The following LEKR1 variants were observed in gnomAD, a reference collection of about 807,000 sequenced individuals.
LEKR1 encodes the protein leucine, glutamate and lysine rich 1, also known as protein LEKR1.
A neutral mutation model predicts 72.4 loss-of-function variants in LEKR1; 59 were observed. That is an observed-to-expected ratio of 0.82 (90% CI 0.66 to 1.01). The LOEUF is 1.01. LEKR1 is among the 50% of genes least tolerant of loss of function. The pLI is 0.00. For missense variants in LEKR1, 728 were observed against 759.2 expected (o/e 0.96, Z 0.48); for synonymous variants, 257 against 263.2 (o/e 0.98, Z 0.23).
At chr3:156,943,623 T>G (rs1418327824) in intron 6 of LEKR1, among the ~76,000 whole-genome samples, 1 of 151,670 alleles carries the variant, frequency 6.6e-6, no homozygotes, top group African/African-American at 2.4e-5. Context: ...CGTGGCCCAG[T>G]GGGAAGGGTG....
chr3:156,927,137 G>C (rs1224679251), intron 4 of LEKR1, among the ~76,000 whole-genome samples: 1 of 151,728 alleles, frequency 6.6e-6, no homozygotes, highest in East Asian at 1.9e-4. Context: ...GTTTACGGTT[G>C]AATAAAAAAA....
chr3:157,044,348 T>C (rs1161647177), intron 12 of LEKR1, among the ~76,000 whole-genome samples: 1 of 152,236 alleles, frequency 6.6e-6, no homozygotes, highest in African/African-American at 2.4e-5. Flanking sequence ...ATTCTTACCA[T>C]GGGACTTGAA....
chr3:156,976,958 G>A (rs79716791), intron 6 of LEKR1, among the ~76,000 whole-genome samples: 3,770 of 152,208 alleles, frequency 0.025, 145 homozygotes, highest in East Asian at 0.16. Flanking sequence ...TCAGACCCGG[G>A]AAGGCTTATT....
chr3:156,963,907 GTGAGCTAC>G (rs1356322686), intron 6 of LEKR1, among the ~76,000 whole-genome samples: 1 of 152,150 alleles, frequency 6.6e-6, no homozygotes, highest in African/African-American at 2.4e-5. Flanking sequence ...ATGCTTCAGA[GTGAGCTAC>G]TGTATCAGGC....
intron 3 of LEKR1, among the ~76,000 whole-genome samples, chr3:156,857,394 T>C (rs1390559459): frequency 2.0e-5 from 3 of 152,144 alleles, no homozygotes; most frequent in Non-Finnish European, 2.9e-5. Flanking sequence ...CCCTTAAATA[T>C]ATGTATTTCT....
intron 6 of LEKR1, among the ~76,000 whole-genome samples, chr3:156,969,415 C>T (rs1442504970): frequency 1.7e-4 from 26 of 151,942 alleles, no homozygotes; most frequent in East Asian, 9.6e-4. Context: ...ATCAAATAGA[C>T]GCAATAAAAA....
Position 157,018,624 on chromosome 3 carries a change from GA to G in LEKR1, c.1204-6127del, listed in dbSNP as rs377128185. On this transcript the variant is annotated intron_variant, in intron 10 of 12. Coordinates refer to ENST00000356539, the MANE Select transcript of LEKR1 (RefSeq NM_001004316.3). ...TAGGGGTTGGGGGGACAGCTTACAT[GA>G]AAAAAAAACTAAACACACTGAGCTA... Among the ~76,000 whole-genome samples, 350 of 151,044 alleles carry G rather than the reference GA, an allele frequency of 2.3e-3. 8 individuals carry two copies. In the East Asian group the frequency reaches 0.06, roughly 26 times the overall value.
intron 5 of LEKR1, among the ~76,000 whole-genome samples, chr3:156,941,346 C>G (rs575223845): frequency 9.9e-5 from 15 of 152,176 alleles, no homozygotes; most frequent in African/African-American, 3.4e-4. Flanking sequence ...CTTTTCTCTC[C>G]TTGTACTACA....
chr3:156,889,356 T>G (rs1045437139), intron 3 of LEKR1, among the ~76,000 whole-genome samples: 1 of 151,996 alleles, frequency 6.6e-6, no homozygotes, highest in African/African-American at 2.4e-5. Flanking sequence ...TCTAATGCCT[T>G]TCTTTTGCCC....
At chr3:156,884,033 T>C (rs539406716) in intron 3 of LEKR1, among the ~76,000 whole-genome samples, 2 of 152,366 alleles carry the variant, frequency 1.3e-5, no homozygotes, top group East Asian at 3.9e-4. Flanking sequence ...ATAATGTCTC[T>C]GTCTTTTTTA....
chr3:157,022,703 G>A (rs1248617680), intron 10 of LEKR1, among the ~76,000 whole-genome samples: 2 of 152,150 alleles, frequency 1.3e-5, no homozygotes, highest in African/African-American at 4.8e-5. Context: ...TGGCTACCAG[G>A]AGGCAAAGTG....
chr3:157,023,994 C>T (rs1734025098), intron 10 of LEKR1, among the ~76,000 whole-genome samples: 1 of 152,150 alleles, frequency 6.6e-6, no homozygotes, highest in Non-Finnish European at 1.5e-5. Flanking sequence ...ACTGGCAACA[C>T]AGTACATACA....
In LEKR1 at chr3:156,852,903, A is replaced by G. The variant is rs574456714; in HGVS notation, c.184A>G (p.Lys62Glu). ...KFYQGSVDRE[K>E]RLQEKLHSLS... ...TTATCAAGGAAGTGTAGATCGTGAAAAGAGACTTCAAGAAAAGCTGCATTC... is the reference window on the plus strand; with the variant it reads ...TTATCAAGGAAGTGTAGATCGTGAAGAGAGACTTCAAGAAAAGCTGCATTC... The change falls in exon 3 of 13, where the codon AAG (lysine) becomes GAG (glutamate). Residue 62 changes from lysine (K) to glutamate (E), a missense_variant. Coordinates refer to ENST00000356539, the MANE Select transcript of LEKR1 (RefSeq NM_001004316.3). The G allele has an allele frequency of 2.0e-6, 3 of 1,471,404 alleles. No individual in the cohort carries two copies. The highest frequency in any genetic ancestry group is 2.4e-5 in the South Asian group (2 of 81,712). The allele number at this position is 1,471,404 out of a possible 1,614,324, so 91.1% of individuals were successfully genotyped here. A position where few individuals can be genotyped will look rare whatever the true frequency, so the allele number is the denominator to read the frequency against.
At chr3:156,910,324 G>T (rs574099457) in intron 3 of LEKR1, among the ~76,000 whole-genome samples, 2 of 152,248 alleles carry the variant, frequency 1.3e-5, no homozygotes, top group African/African-American at 4.8e-5. Context: ...AGTGGCTATT[G>T]TCCCATGCAT....
intron 10 of LEKR1, among the ~76,000 whole-genome samples, chr3:157,014,577 G>A (rs918504661): frequency 1.3e-5 from 2 of 152,070 alleles, no homozygotes; most frequent in Admixed American, 6.6e-5. Context: ...TGACACAGAT[G>A]ATGTTGTTAT....
At chr3:157,042,028 A>ATTTTCAT (rs532587216) in intron 12 of LEKR1, among the ~76,000 whole-genome samples, 88 of 152,166 alleles carry the variant, frequency 5.8e-4, no homozygotes, top group African/African-American at 2.0e-3. Context: ...CCATTGTTTT[A>ATTTTCAT]TTTTCATTTT....
intron 6 of LEKR1, among the ~76,000 whole-genome samples, chr3:156,973,729 T>C (rs1367899336): frequency 8.6e-5 from 13 of 151,932 alleles, no homozygotes; most frequent in South Asian, 2.1e-4. Context: ...AAAAGGCAAA[T>C]CATAAAAGGA....
At chr3:156,976,576 A>C (rs1729713997) in intron 6 of LEKR1, among the ~76,000 whole-genome samples, 1 of 152,158 alleles carries the variant, frequency 6.6e-6, no homozygotes. Flanking sequence ...TAGAAATTCT[A>C]CCAGTTTACT....
chr3:157,018,690 C>T (rs1432896515), intron 10 of LEKR1, among the ~76,000 whole-genome samples: 1 of 152,158 alleles, frequency 6.6e-6, no homozygotes, highest in African/African-American at 2.4e-5. Context: ...ACATTGTTTC[C>T]ACCTTGTAGT....
Sources: allele counts gnomAD v4.1 joint callset (sites outside exome capture counted in the v4.1 genomes callset), GRCh38; gene constraint gnomAD v4.1.1; transcripts MANE v1.5; gene names NCBI Gene and HGNC (gene_info 2026-07-23, HGNC 2026-07-21).